LHFPL3: variants seen among roughly 807,000 people sequenced by gnomAD.
The protein encoded by LHFPL3 is LHFPL tetraspan subfamily member 3 protein.
LHFPL3 carries 5 observed loss-of-function variants against 19.3 expected under a neutral mutation model. The ratio of observed to expected loss-of-function variants is 0.26; its 90% CI spans 0.14 to 0.54. The LOEUF is 0.54. Among genes scored for constraint, LHFPL3 ranks in the 20% least tolerant of loss-of-function variants. The pLI is 0.94. For missense variants in LHFPL3, 249 were observed against 307.4 expected, an observed-to-expected ratio of 0.81 and a Z score of 1.42; for synonymous variants, 133 against 126.2, an observed-to-expected ratio of 1.05 and a Z score of -0.36.
chr7:104,575,472 G>T (rs1241722751), intron 1 of LHFPL3, among the ~76,000 whole-genome samples: 1 of 145,308 alleles, frequency 6.9e-6, no homozygotes, highest in Non-Finnish European at 1.5e-5. Flanking sequence ...AAAGTGTTAT[G>T]TGCAATTTTT....
chr7:104,716,342 CAA>C (rs915180139), intron 1 of LHFPL3, among the ~76,000 whole-genome samples: 1 of 128,750 alleles, frequency 7.8e-6, no homozygotes. Context: ...ACTCCATCTC[CAA>C]AAAAAAAAAG....
chr7:104,559,765 C>G (rs1463760238), intron 1 of LHFPL3, among the ~76,000 whole-genome samples: 3 of 151,682 alleles, frequency 2.0e-5, no homozygotes, highest in Non-Finnish European at 2.9e-5. Context: ...TGCCAGTTTT[C>G]AGAGGGAATG....
At chr7:104,508,959 T>G (rs1793757951) in intron 1 of LHFPL3, among the ~76,000 whole-genome samples, 1 of 151,448 alleles carries the variant, frequency 6.6e-6, no homozygotes. Context: ...AGATTAAGAG[T>G]ATACAATGAA....
At chr7:104,668,847 C>A (rs1792416192) in intron 1 of LHFPL3, 2 of 1,611,836 alleles carry the variant, frequency 1.2e-6, no homozygotes, top group African/African-American at 2.7e-5. Context: ...CCTGTTGACA[C>A]AGCTGCTAGA....
intron 1 of LHFPL3, among the ~76,000 whole-genome samples, chr7:104,461,748 C>T (rs974319503): frequency 6.6e-6 from 1 of 151,912 alleles, no homozygotes; most frequent in Admixed American, 6.6e-5. Context: ...TTTTTTGGTT[C>T]CATATCAATT....
At position 104,561,104 on chromosome 7, in the gene LHFPL3, A is replaced by G. The variant is rs562453684; in HGVS notation, c.446-175571A>G. On this transcript the variant is annotated intron_variant, in intron 1 of 2. Coordinates refer to ENST00000424859, the MANE Select transcript of LHFPL3 (RefSeq NM_199000.3). Reference sequence around the variant, plus strand: ...CCTGAGGAGAGCTTTACTTCCCAGTATGTGGTCAATTTTGGAATAGGTGTG... The same window carrying G: ...CCTGAGGAGAGCTTTACTTCCCAGTGTGTGGTCAATTTTGGAATAGGTGTG... Among the ~76,000 whole-genome samples the G allele has an allele frequency of 1.9e-3, 290 of 152,246 alleles. 1 individual carries two copies. Among genetic ancestry groups the G allele is most frequent in the African/African-American group, 6.7e-3 (279 of 41,490 alleles).
chr7:104,344,144 T>C (rs76770407), intron 1 of LHFPL3, among the ~76,000 whole-genome samples: 1 of 152,154 alleles, frequency 6.6e-6, no homozygotes, highest in Non-Finnish European at 1.5e-5. Context: ...TTAATATATA[T>C]TGATAAGATA....
intron 1 of LHFPL3, among the ~76,000 whole-genome samples, chr7:104,716,497 A>C (rs2116232002): frequency 6.6e-6 from 1 of 152,324 alleles, no homozygotes; most frequent in South Asian, 2.1e-4. Context: ...CAAAATCAAC[A>C]TACAAAATTC....
chr7:104,554,688 T>C (rs77428453), intron 1 of LHFPL3, among the ~76,000 whole-genome samples: 23,177 of 120,214 alleles, frequency 0.19, 1,702 homozygotes, highest in Middle Eastern at 0.25. Context: ...GATAGATAGA[T>C]AGACAGACAG....
chr7:104,742,954 TA>T (rs1252162157), intron 2 of LHFPL3, among the ~76,000 whole-genome samples: 9 of 151,696 alleles, frequency 5.9e-5, no homozygotes, highest in Admixed American at 5.2e-4. Context: ...CCATCTCTAT[TA>T]AAAATACAAA....
chr7:104,363,443 T>C (rs1194935285), intron 1 of LHFPL3, among the ~76,000 whole-genome samples: 1 of 152,224 alleles, frequency 6.6e-6, no homozygotes, highest in East Asian at 1.9e-4. Context: ...ATTCCTCAAA[T>C]CTCAGTAGTT....
chr7:104,758,344 G>C lies in LHFPL3; in HGVS notation c.682+21433G>C, dbSNP rs546227611. Among the ~76,000 whole-genome samples, 5 of 152,026 alleles carry C rather than the reference G, an allele frequency of 3.3e-5. No individual in the cohort carries two copies. The East Asian group carries it at 9.7e-4, about 29-fold the overall frequency. ...GTAACAAACCTGCACATGTACCCCC[G>C]AATCTAAAATAAAAGTTGCAATTAT... On this transcript the variant is annotated intron_variant, in intron 2 of 2. Coordinates refer to ENST00000424859, the MANE Select transcript of LHFPL3 (RefSeq NM_199000.3).
intron 1 of LHFPL3, among the ~76,000 whole-genome samples, chr7:104,557,703 G>T (rs1420660442): frequency 6.6e-6 from 1 of 151,182 alleles, no homozygotes; most frequent in Non-Finnish European, 1.5e-5. Context: ...TATACTTTAA[G>T]TTTTAGGGTA....
At chr7:104,506,070 G>T (rs180924611) in intron 1 of LHFPL3, among the ~76,000 whole-genome samples, 190 of 151,256 alleles carry the variant, frequency 1.3e-3, no homozygotes, top group African/African-American at 4.4e-3. Flanking sequence ...AGGCTGGAGT[G>T]CAGTGACACG....
At chr7:104,724,808 G>C (rs905416547) in intron 1 of LHFPL3, among the ~76,000 whole-genome samples, 1 of 152,158 alleles carries the variant, frequency 6.6e-6, no homozygotes, top group African/African-American at 2.4e-5. Context: ...AGGCTGACAA[G>C]AAGTGGATGG....
intron 2 of LHFPL3, among the ~76,000 whole-genome samples, chr7:104,831,035 C>G (rs1257612379): frequency 1.3e-5 from 2 of 151,856 alleles, no homozygotes; most frequent in African/African-American, 4.9e-5. Context: ...GTGACTCTTC[C>G]TTGGAAAAGG....
At chr7:104,415,432 A>G (rs1791602439) in intron 1 of LHFPL3, among the ~76,000 whole-genome samples, 1 of 152,216 alleles carries the variant, frequency 6.6e-6, no homozygotes, top group Admixed American at 6.5e-5. Context: ...AAATTATAGT[A>G]TTGAATTGGA....
At position 104,833,038 on chromosome 7, in the gene LHFPL3, T is replaced by TATATATTATATATAATAG. The variant is rs1554349398; in HGVS notation, c.683-73135_683-73134insATAGATATATTATATATA. 4.2e-4 allele frequency among the ~76,000 whole-genome samples: 9 copies of TATATATTATATATAATAG among 21,608 alleles called. 2 individuals carry two copies. Among genetic ancestry groups the TATATATTATATATAATAG allele is most frequent in the African/African-American group, 1.1e-3 (4 of 3,752 alleles). The allele number at this position is 21,608 out of a possible 152,430, so 14.2% of individuals were successfully genotyped here. ...TTATATATAATAGATATATTATATA[T>TATATATTATATATAATAG]ATATATTATATATATATTATATATA... On this transcript the variant is annotated intron_variant, in intron 2 of 2. Transcript: ENST00000424859.
chr7:104,662,188 C>G (rs1055950400), intron 1 of LHFPL3, among the ~76,000 whole-genome samples: 1 of 152,096 alleles, frequency 6.6e-6, no homozygotes, highest in Non-Finnish European at 1.5e-5. Flanking sequence ...AAAGGGAAAC[C>G]ACAAATAAGG....
Sources: allele counts gnomAD v4.1 joint callset (sites outside exome capture counted in the v4.1 genomes callset), GRCh38; gene constraint gnomAD v4.1.1; transcripts MANE v1.5; gene names NCBI Gene and HGNC (gene_info 2026-07-23, HGNC 2026-07-21).